Variants in ASIC2 observed in about 807,000 individuals in gnomAD.
The protein encoded by ASIC2 is acid sensing ion channel subunit 2.
A neutral mutation model predicts 57.3 loss-of-function variants in ASIC2; 25 were observed. That is an observed-to-expected ratio of 0.44 (90% CI 0.32 to 0.61). ASIC2 has a LOEUF of 0.61. ASIC2 is among the 20% of genes least tolerant of loss of function. The pLI, the probability that ASIC2 is intolerant of heterozygous loss-of-function variation, is 0.06. For synonymous variants in ASIC2, 319 were observed against 307.5 expected, an observed-to-expected ratio of 1.04 and a Z score of -0.39; for missense variants, 641 against 738.1, an observed-to-expected ratio of 0.87 and a Z score of 1.52.
intron 1 of ASIC2, among the ~76,000 whole-genome samples, chr17:34,132,775 G>A (rs935741241): frequency 9.9e-5 from 15 of 152,198 alleles, no homozygotes; most frequent in African/African-American, 3.1e-4. Context: ...ACTGTGGGCT[G>A]TTGTTAGGTA....
intron 2 of ASIC2, among the ~76,000 whole-genome samples, chr17:33,108,958 C>A (rs1181416829): frequency 6.6e-6 from 1 of 152,222 alleles, no homozygotes; most frequent in Non-Finnish European, 1.5e-5. Flanking sequence ...TTCAAATATA[C>A]TAACTGCTCT....
intron 3 of ASIC2, among the ~76,000 whole-genome samples, chr17:33,066,025 C>T (rs2092042009): frequency 6.6e-6 from 1 of 152,126 alleles, no homozygotes; most frequent in Non-Finnish European, 1.5e-5. Flanking sequence ...AACAGAAAGG[C>T]TCTCTTTGAC....
rs147993478 is a variant in ASIC2 at position 33,186,786 on chromosome 17, T to C, written c.709-74719A>G. ...TCAATGTCGACCATTCTATGGTCGT[T>C]TGGCATTTGAAACAAATTGGAAAGG... On this transcript the variant is annotated intron_variant, in intron 1 of 9. Coordinates refer to ENST00000225823, the MANE Select transcript of ASIC2 (RefSeq NM_183377.2). Among the ~76,000 whole-genome samples the C allele has an allele frequency of 3.8e-3, 574 of 152,268 alleles. 3 individuals are homozygous for C. Among genetic ancestry groups the C allele is most frequent in the African/African-American group, 0.013 (538 of 41,566 alleles).
chr17:33,203,112 A>G, intron 1 of ASIC2, among the ~76,000 whole-genome samples: 1 of 152,168 alleles, frequency 6.6e-6, no homozygotes, highest in East Asian at 1.9e-4. Flanking sequence ...TTTTGGCTAA[A>G]CACCTAGGAG....
At chr17:33,717,663 C>T (rs1355605697) in intron 1 of ASIC2, among the ~76,000 whole-genome samples, 20 of 152,104 alleles carry the variant, frequency 1.3e-4, no homozygotes. Flanking sequence ...TTGCTTCCAA[C>T]CCCTGCTAAG....
chr17:33,318,619 A>G (rs1906748152), intron 1 of ASIC2, among the ~76,000 whole-genome samples: 1 of 152,218 alleles, frequency 6.6e-6, no homozygotes, highest in African/African-American at 2.4e-5. Context: ...AAATAAATAT[A>G]GCAGGATGAC....
chr17:33,650,153 T>C (rs1040633127), intron 1 of ASIC2, among the ~76,000 whole-genome samples: 1 of 152,072 alleles, frequency 6.6e-6, no homozygotes, highest in Non-Finnish European at 1.5e-5. Flanking sequence ...AAAAACAATA[T>C]AATTAGAAAA....
intron 1 of ASIC2, among the ~76,000 whole-genome samples, chr17:33,270,144 G>T (rs917252060): frequency 3.3e-5 from 5 of 152,160 alleles, no homozygotes; most frequent in African/African-American, 1.2e-4. Flanking sequence ...AAGTCAATTG[G>T]TTAAAAATTA....
intron 1 of ASIC2, among the ~76,000 whole-genome samples, chr17:33,427,556 C>T (rs1911260086): frequency 6.6e-6 from 1 of 152,210 alleles, no homozygotes; most frequent in African/African-American, 2.4e-5. Context: ...CATCCTCCAA[C>T]TCTCCATCCT....
At chr17:34,028,865 C>T (rs536370470) in intron 1 of ASIC2, among the ~76,000 whole-genome samples, 3 of 152,278 alleles carry the variant, frequency 2.0e-5, no homozygotes, top group East Asian at 1.9e-4. Flanking sequence ...TCCTACCAGT[C>T]CCCCCATCTC....
At chr17:33,760,251 T>C (rs562002344) in intron 1 of ASIC2, among the ~76,000 whole-genome samples, 30 of 152,122 alleles carry the variant, frequency 2.0e-4, no homozygotes, top group Admixed American at 7.2e-4. Context: ...GCGATTCTGC[T>C]GGAATGAAAG....
In ASIC2 at chr17:33,013,846, A is replaced by T. The variant is rs2091791697; in HGVS notation, c.*119T>A. 1.1e-6 allele frequency: 1 copy of T among 884,092 alleles called. No homozygotes were observed. Among genetic ancestry groups the T allele is most frequent in the Non-Finnish European group, 1.8e-6 (1 of 549,926 alleles). The allele number at this position is 884,092 out of a possible 1,614,324, so 54.8% of individuals were successfully genotyped here. ...TAGGCAGCTAGTCTGCAATGTGTGC[A>T]TAGGGGGCTCTTGCTTCTTTCCAGC... On this transcript the variant is annotated 3_prime_UTR_variant, in exon 10 of 10. Coordinates refer to ENST00000225823, the MANE Select transcript of ASIC2 (RefSeq NM_183377.2).
Position 34,131,812 on chromosome 17 carries a change from C to T in ASIC2, c.555+24166G>A, listed in dbSNP as rs1373550916. Among the ~76,000 whole-genome samples the T allele has an allele frequency of 2.6e-5, 4 of 152,206 alleles. No individual in the cohort carries two copies. The South Asian group carries it at 8.3e-4, about 32-fold the overall frequency. On this transcript the variant is annotated intron_variant, in intron 1 of 9. Transcript: ENST00000359872. ...CCCTGTCCAAATGGGACCAGATAAA[C>T]AAGAGGCCCTGAAAGGTCTGAGAAT... is the stretch of plus-strand genomic sequence containing the variant.
chr17:33,910,490 C>T (rs1046040067), intron 1 of ASIC2, among the ~76,000 whole-genome samples: 4 of 152,180 alleles, frequency 2.6e-5, no homozygotes, highest in Non-Finnish European at 4.4e-5. Flanking sequence ...ATTCTTCCAT[C>T]GAGATGATGG....
chr17:33,185,924 T>C (rs1262168451), intron 1 of ASIC2, among the ~76,000 whole-genome samples: 1 of 152,182 alleles, frequency 6.6e-6, no homozygotes, highest in Non-Finnish European at 1.5e-5. Context: ...GCAAGGGCTG[T>C]CCTGGCCCCA....
intron 2 of ASIC2, among the ~76,000 whole-genome samples, chr17:33,104,374 A>G (rs1312856705): frequency 6.6e-6 from 1 of 152,188 alleles, no homozygotes; most frequent in Non-Finnish European, 1.5e-5. Context: ...GAAAAGGGAG[A>G]GGGATGCTTC....
intron 1 of ASIC2, chr17:34,039,114 T>C: frequency 6.2e-7 from 1 of 1,614,090 alleles, no homozygotes; most frequent in Non-Finnish European, 8.5e-7. Flanking sequence ...CTAGCATCTT[T>C]TGCTGTTCAT....
chr17:33,519,047 C>G (rs951675076), intron 1 of ASIC2, among the ~76,000 whole-genome samples: 2 of 151,936 alleles, frequency 1.3e-5, no homozygotes, highest in African/African-American at 2.4e-5. Flanking sequence ...GTCTCGATCT[C>G]CTGACCTCGT....
At chr17:33,256,504 T>C (rs17248832) in intron 1 of ASIC2, among the ~76,000 whole-genome samples, 17,164 of 152,186 alleles carry the variant, frequency 0.11, 1,131 homozygotes, top group East Asian at 0.25. Context: ...TTCATGATAA[T>C]AGAGAAATGA....
Sources: gnomAD v4.1 joint callset for allele counts (sites outside exome capture counted in the v4.1 genomes callset) on GRCh38, gnomAD v4.1.1 for gene constraint, MANE v1.5 for transcripts, NCBI Gene and HGNC (gene_info 2026-07-23, HGNC 2026-07-21) for gene names.